MPP3: variants seen among roughly 807,000 people sequenced by gnomAD.
The protein encoded by MPP3 is MAGUK p55 subfamily member 3.
In MPP3, 48 loss-of-function variants were observed where a neutral mutation model predicts 80.7. The ratio of observed to expected loss-of-function variants is 0.59; its 90% CI spans 0.47 to 0.76. The LOEUF (loss-of-function observed/expected upper bound fraction) is 0.76, where lower values mean the gene tolerates loss of function less well. Ranked by LOEUF, MPP3 falls within the 30% of genes least tolerant of loss-of-function variation. The pLI is 0.00. For missense variants in MPP3, 620 were observed against 763.0 expected, an observed-to-expected ratio of 0.81 and a Z score of 2.21; for synonymous variants, 311 against 297.6, an observed-to-expected ratio of 1.04 and a Z score of -0.46.
In MPP3 at chr17:43,831,954, G is replaced by C. The variant is rs770233130; in HGVS notation, c.-37-11C>G. ...CTCTCCCTGCAGATTCTGGGAGAAG[G>C]GGGTGGAGGTGGGTATTGAAGCTCC... On this transcript the variant is annotated splice_polypyrimidine_tract_variant and intron_variant, in intron 2 of 19. Transcript: ENST00000398389. The C allele has an allele frequency of 5.2e-5, 82 of 1,588,690 alleles. No homozygotes were observed. Among genetic ancestry groups the C allele is most frequent in the South Asian group, 5.6e-5 (5 of 89,634 alleles).
At chr17:43,806,372 G>C (rs898252669) in intron 19 of MPP3, among the ~76,000 whole-genome samples, 1 of 151,858 alleles carries the variant, frequency 6.6e-6, no homozygotes, top group African/African-American at 2.4e-5. Flanking sequence ...CACCATGTTG[G>C]CCAGGCTGAT....
At chr17:43,819,399 T>C (rs979829687) in intron 11 of MPP3, among the ~76,000 whole-genome samples, 4 of 152,242 alleles carry the variant, frequency 2.6e-5, no homozygotes, top group African/African-American at 9.6e-5. Flanking sequence ...AAGTGAAGAA[T>C]TGGGAACAAC....
At chr17:43,827,326 T>A (rs2045753708) in intron 8 of MPP3, among the ~76,000 whole-genome samples, 2 of 143,618 alleles carry the variant, frequency 1.4e-5, no homozygotes, top group African/African-American at 5.2e-5. Flanking sequence ...TTTTTTTTTT[T>A]TTCTTTTTTT....
intron 14 of MPP3, 56 bp downstream of exon 14, chr17:43,815,982 T>G: frequency 7.0e-7 from 1 of 1,434,992 alleles, no homozygotes; most frequent in Non-Finnish European, 9.2e-7. Flanking sequence ...TCTCCCTAAC[T>G]CTGGGGCCTT....
At chr17:43,828,669 T>C (rs1302628106) in intron 7 of MPP3, among the ~76,000 whole-genome samples, 2 of 152,250 alleles carry the variant, frequency 1.3e-5, no homozygotes, top group Non-Finnish European at 2.9e-5. Context: ...CAAACACATT[T>C]GCACACTTAT....
intron 16 of MPP3, 123 bp from the exon 17 acceptor site, chr17:43,811,328 C>A: frequency 1.4e-6 from 1 of 707,342 alleles, no homozygotes; most frequent in South Asian, 1.6e-5. Context: ...GCACTTCCAC[C>A]TCATTGCATG....
rs2045977134 is a variant in MPP3, at chr17:43,831,818, G to A, written c.25+64C>T. 3.9e-6 allele frequency: 6 copies of A among 1,525,594 alleles called. No homozygotes were observed. In the South Asian group the frequency reaches 4.9e-5, roughly 12 times the overall value. 94.5% of individuals were successfully genotyped at this position (1,525,594 alleles called of 1,614,324 possible). A position where few individuals can be genotyped will look rare whatever the true frequency, so the allele number is the denominator to read the frequency against. Reference sequence around the variant, plus strand: ...CCCAGGCTCTCACTGCCAGGGCCTGGAGGCTGCCAGGCAGGCTCTTGTCTT... The same window carrying A: ...CCCAGGCTCTCACTGCCAGGGCCTGAAGGCTGCCAGGCAGGCTCTTGTCTT... On this transcript the variant is annotated intron_variant, in intron 3 of 19. Coordinates refer to ENST00000398389, the MANE Select transcript of MPP3 (RefSeq NM_001932.6).
rs1323151207 is a variant in MPP3 at position 43,801,517 on chromosome 17, G to A, written c.*184C>T. ...CTTTCAAATCATGATCCAAAGAGGT[G>A]CAGTGAAAAACAACAGACAAAAACC... is the stretch of plus-strand genomic sequence containing the variant. On this transcript the variant is annotated 3_prime_UTR_variant, in exon 20 of 20. Transcript: ENST00000398389. The A allele has an allele frequency of 7.1e-6, 4 of 566,590 alleles. No individual in the cohort carries two copies. The highest frequency in any genetic ancestry group is 3.5e-5 in the Admixed American group (1 of 28,216). The allele number at this position is 566,590 out of a possible 1,614,324, so 35.1% of individuals were successfully genotyped here.
In MPP3 at chr17:43,801,786, A is replaced by G. The variant is rs773032446; in HGVS notation, c.1673T>C (p.Leu558Pro). 11 of 1,614,196 alleles carry G rather than the reference A, an allele frequency of 6.8e-6. 1 individual carries two copies. The East Asian group carries it at 2.0e-4, about 29-fold the overall frequency. The change falls in exon 20 of 20, where the codon CTC becomes CCC. Residue 558 changes from leucine (L) to proline (P), a missense_variant. Leu to Pro is a moderately conservative substitution (Grantham distance 98, BLOSUM62 -3). Coordinates refer to ENST00000398389, the MANE Select transcript of MPP3 (RefSeq NM_001932.6). ...TTTGAGCTGGCTGTAGGCACCCTGGAGATCCTCCTTCACCAGCACGGCGTC... is the reference window on the plus strand; with the variant it reads ...TTTGAGCTGGCTGTAGGCACCCTGGGGATCCTCCTTCACCAGCACGGCGTC... The part of the protein sequence containing the change: ...LVDAVLVKED[L>P]QGAYSQLKVV...
chr17:43,829,926 G>A (rs773473892), intron 6 of MPP3, 101 bp downstream of exon 6: 11 of 1,528,828 alleles, frequency 7.2e-6, no homozygotes, highest in Middle Eastern at 1.7e-4. Flanking sequence ...GCTGAGGATC[G>A]CTCCCTCAGT....
intron 10 of MPP3, 144 bp downstream of exon 10, chr17:43,823,787 C>G: frequency 1.7e-6 from 1 of 594,544 alleles, no homozygotes; most frequent in East Asian, 3.2e-5. Flanking sequence ...AATTAAAGTC[C>G]TCCACTGGGC....
chr17:43,826,020 G>A (rs912417649), intron 8 of MPP3, among the ~76,000 whole-genome samples, 179 bp from the exon 9 acceptor site: 8 of 152,308 alleles, frequency 5.3e-5, no homozygotes, highest in East Asian at 1.9e-4. Context: ...CACCTCACTC[G>A]GCATGCAGGG....
intron 8 of MPP3, among the ~76,000 whole-genome samples, 193 bp downstream of exon 8, chr17:43,827,558 C>G (rs2045771065): frequency 6.6e-6 from 1 of 152,066 alleles, no homozygotes; most frequent in Non-Finnish European, 1.5e-5. Flanking sequence ...CCCAGCTGGC[C>G]TATATTTTCT....
Position 43,823,930 on chromosome 17 carries a change from C to T in MPP3, c.684+1G>A, listed in dbSNP as rs761706338. 6.2e-7 allele frequency: 1 copy of T among 1,609,714 alleles called. No individual in the cohort carries two copies. Among genetic ancestry groups the T allele is most frequent in the Non-Finnish European group, 8.5e-7 (1 of 1,178,210 alleles). On this transcript the variant is annotated splice_donor_variant, in intron 10 of 19. Coordinates refer to ENST00000398389, the MANE Select transcript of MPP3 (RefSeq NM_001932.6). LOFTEE classifies it high-confidence loss of function. ...GGCACCGCGGACCCACCTCCCCATA[C>T]CTTGCTCTCCTTTAAGCGATCTTCC...
At chr17:43,832,113 C>G in intron 2 of MPP3, 170 bp from the exon 3 acceptor site, 1 of 621,884 alleles carries the variant, frequency 1.6e-6, no homozygotes, top group Non-Finnish European at 2.9e-6. Context: ...CTAAGATGTG[C>G]TGAGTGTCCT....
chr17:43,829,570 C>A, intron 7 of MPP3, 84 bp downstream of exon 7: 3 of 1,522,078 alleles, frequency 2.0e-6, no homozygotes, highest in Non-Finnish European at 2.7e-6. Flanking sequence ...CTGAAGACTT[C>A]GGGGAGGATC....
chr17:43,805,562 G>A (rs139513157), intron 19 of MPP3, among the ~76,000 whole-genome samples: 17 of 152,170 alleles, frequency 1.1e-4, no homozygotes, highest in Admixed American at 7.2e-4. Context: ...TCCATTAATC[G>A]ATAAATGGGT....
In MPP3 at chr17:43,827,742, G is replaced by T; in HGVS notation, c.523+9C>A. The T allele has an allele frequency of 6.2e-7, 1 of 1,609,596 alleles. No homozygotes were observed. ...GGGGCTGGGCCAGCTTTGCACTGCC[G>T]CCACTCACCGCTCCTGTCTGCTGCG... On this transcript the variant is annotated intron_variant, in intron 8 of 19. Coordinates refer to ENST00000398389, the MANE Select transcript of MPP3 (RefSeq NM_001932.6).
At chr17:43,805,505 TCATAA>T (rs1567795028) in intron 19 of MPP3, among the ~76,000 whole-genome samples, 1 of 152,224 alleles carries the variant, frequency 6.6e-6, no homozygotes, top group Non-Finnish European at 1.5e-5. Context: ...ATATGAACAT[TCATAA>T]CATGATTCAT....
Sources: gnomAD v4.1 joint callset for allele counts (sites outside exome capture counted in the v4.1 genomes callset) on GRCh38, gnomAD v4.1.1 for gene constraint, MANE v1.5 for transcripts, NCBI Gene and HGNC (gene_info 2026-07-23, HGNC 2026-07-21) for gene names.